PHC3: variants seen among roughly 807,000 people sequenced by gnomAD.
PHC3 encodes the protein polyhomeotic-like protein 3.
PHC3 carries 13 observed loss-of-function variants against 107.4 expected under a neutral mutation model. That is an observed-to-expected ratio of 0.12 (90% CI 0.08 to 0.19). The LOEUF is 0.19. PHC3 is among the 10% of genes least tolerant of loss of function. The pLI is 1.00. For synonymous variants in PHC3, 456 were observed against 427.4 expected, an observed-to-expected ratio of 1.07 and a Z score of -0.83; for missense variants, 992 against 1,210.9, an observed-to-expected ratio of 0.82 and a Z score of 2.68.
At chr3:170,138,306 G>A (rs35968710) in intron 6 of PHC3, among the ~76,000 whole-genome samples, 4,239 of 152,242 alleles carry the variant, frequency 0.028, 207 homozygotes, top group African/African-American at 0.097. Context: ...GAAACCATAT[G>A]GAGTGTCTTC....
chr3:170,116,979 A>T, intron 10 of PHC3: 1 of 482,462 alleles, frequency 2.1e-6, no homozygotes, highest in Non-Finnish European at 3.7e-6. Flanking sequence ...CTTTCTCTAA[A>T]AATTATAAAA....
Position 170,117,480 on chromosome 3 carries a change from A to C in PHC3, c.1943-4T>G. The stretch of plus-strand genomic sequence containing the variant: ...ACAGCAGGTAATTCCACTTGCTCTG[A>C]AAAAAAAACCAAAAAGTCATTTAAA... On this transcript the variant is annotated splice_polypyrimidine_tract_variant and splice_region_variant and intron_variant, in intron 9 of 14. Coordinates refer to ENST00000495893, the MANE Select transcript of PHC3 (RefSeq NM_024947.4). 6.4e-7 allele frequency: 1 copy of C among 1,574,684 alleles called. No individual in the cohort carries two copies. The highest frequency in any genetic ancestry group is 1.2e-5 in the South Asian group (1 of 85,418).
At chr3:170,109,026 TAACA>T (rs1391963382) in intron 11 of PHC3, among the ~76,000 whole-genome samples, 1 of 152,190 alleles carries the variant, frequency 6.6e-6, no homozygotes, top group Non-Finnish European at 1.5e-5. Context: ...CGAGGGACAT[TAACA>T]GATTCAAAAA....
chr3:170,139,043 C>T (rs1166363703), intron 6 of PHC3, among the ~76,000 whole-genome samples: 1 of 152,182 alleles, frequency 6.6e-6, no homozygotes, highest in Non-Finnish European at 1.5e-5. Context: ...TTTCTTCCTT[C>T]TAGAACAACT....
intron 12 of PHC3, among the ~76,000 whole-genome samples, 160 bp downstream of exon 12, chr3:170,106,672 T>C (rs1716581750): frequency 6.6e-6 from 1 of 152,166 alleles, no homozygotes; most frequent in Non-Finnish European, 1.5e-5. Flanking sequence ...AGATACTGCC[T>C]ATTTGTATTA....
chr3:170,095,490 C>A lies in PHC3; in HGVS notation c.*1740G>T, dbSNP rs1251357038. ...AAAATAATCAACATTCTCTAATGTA[C>A]ACAAAGCCAAAAGATAAATATAGTA... On this transcript the variant is annotated 3_prime_UTR_variant, in exon 15 of 15. Coordinates refer to ENST00000495893, the MANE Select transcript of PHC3 (RefSeq NM_024947.4). The A allele has an allele frequency of 6.6e-6, 1 of 152,090 alleles. No homozygotes were observed. Among genetic ancestry groups the A allele is most frequent in the Non-Finnish European group, 1.5e-5 (1 of 68,016 alleles). The allele number at this position is 152,090 out of a possible 1,614,324, so 9.4% of individuals were successfully genotyped here. A position where few individuals can be genotyped will look rare whatever the true frequency, so the allele number is the denominator to read the frequency against.
Position 170,097,357 on chromosome 3 carries a change from C to T in PHC3, c.2861G>A (p.Arg954Lys), listed in dbSNP as rs1413205187. 6.2e-7 allele frequency: 1 copy of T among 1,613,052 alleles called. No homozygotes were observed. The highest frequency in any genetic ancestry group is 8.5e-7 in the Non-Finnish European group (1 of 1,179,404). The change falls in exon 15 of 15, where the codon AGA (arginine) becomes AAA (lysine). Residue 954 changes from arginine to lysine, a missense_variant. Physicochemically the swap from Arg to Lys is conservative, Grantham distance 26. Transcript: ENST00000495893. The surrounding 1 kb of genome is among the most constrained non-coding windows in gnomAD (Gnocchi z 4.1). ...GGCCTGTCCATCAATCTCCTGTGCT[C>T]TGAATTCATCTGCGATATCCTGGCA... is the stretch of plus-strand genomic sequence containing the variant. ...PGCQDIADEFRAQEIDGQALL... is the reference protein window; with the variant it reads ...PGCQDIADEFKAQEIDGQALL...
intron 9 of PHC3, among the ~76,000 whole-genome samples, chr3:170,121,561 G>T (rs769290637): frequency 2.0e-5 from 3 of 152,064 alleles, no homozygotes; most frequent in Non-Finnish European, 4.4e-5. Context: ...ACAGAGTGTT[G>T]CTCTGTTGTA....
In PHC3 at chr3:170,117,435, C is replaced by G; in HGVS notation, c.1984G>C (p.Val662Leu). 6.2e-7 allele frequency: 1 copy of G among 1,613,774 alleles called. No homozygotes were observed. Among genetic ancestry groups the G allele is most frequent in the Non-Finnish European group, 8.5e-7 (1 of 1,179,792 alleles). The change falls in exon 10 of 15, where the codon GTA (valine) becomes CTA (leucine). Residue 662 changes from valine to leucine, a missense_variant. Val to Leu is a conservative substitution (Grantham distance 32, BLOSUM62 1). Transcript: ENST00000495893. ...LPAVASVSAS[V>L]IKSPSDPSHV... ...GAGGGATCTGATGGAGATTTAATTA[C>G]TGAAGCACTGACTGATGCCACAGCA...
intron 8 of PHC3, chr3:170,125,851 C>G (rs776320936): frequency 3.5e-6 from 1 of 283,946 alleles, no homozygotes; most frequent in Non-Finnish European, 5.3e-6. Flanking sequence ...TTGAAAAAAG[C>G]AAAGTGGAGG....
chr3:170,092,511 G>A lies in PHC3; in HGVS notation c.*4719C>T, dbSNP rs181401799. On this transcript the variant is annotated 3_prime_UTR_variant, in exon 15 of 15. Transcript: ENST00000495893. ...ATGATCCACACTGCTGTGAACCAAAGAAGCAGAGGTAGGCTTGTGTTTACT... is the reference window on the plus strand; with the variant it reads ...ATGATCCACACTGCTGTGAACCAAAAAAGCAGAGGTAGGCTTGTGTTTACT... 1 of 152,164 alleles carries A rather than the reference G, an allele frequency of 6.6e-6. No individual in the cohort carries two copies. The highest frequency in any genetic ancestry group is 1.5e-5 in the Non-Finnish European group (1 of 68,030). 9.4% of individuals were successfully genotyped at this position (152,164 alleles called of 1,614,324 possible).
At chr3:170,133,342 C>T (rs957000384) in intron 7 of PHC3, among the ~76,000 whole-genome samples, 2 of 152,004 alleles carry the variant, frequency 1.3e-5, no homozygotes, top group Non-Finnish European at 2.9e-5. Flanking sequence ...CCATGCCTGG[C>T]TAATTTTTGT....
At chr3:170,145,556 A>G (rs768081179) in intron 5 of PHC3, 35 bp from the exon 6 acceptor site, 83 of 1,476,100 alleles carry the variant, frequency 5.6e-5, no homozygotes, top group Non-Finnish European at 7.6e-5. Flanking sequence ...ATACCCTAAG[A>G]CAAAAGAACA....
At chr3:170,123,899 T>C (rs1577062714) in intron 8 of PHC3, among the ~76,000 whole-genome samples, 1 of 151,722 alleles carries the variant, frequency 6.6e-6, no homozygotes, top group African/African-American at 2.4e-5. Flanking sequence ...CAGGCTGGAG[T>C]GCAGTGGTGC....
intron 7 of PHC3, among the ~76,000 whole-genome samples, chr3:170,133,085 GA>G (rs922333933): frequency 6.6e-6 from 1 of 151,900 alleles, no homozygotes; most frequent in African/African-American, 2.4e-5. Context: ...AATACAAGTA[GA>G]TTTTTTTACA....
intron 6 of PHC3, among the ~76,000 whole-genome samples, chr3:170,144,482 C>G (rs1724641095): frequency 6.6e-6 from 1 of 152,090 alleles, no homozygotes; most frequent in African/African-American, 2.4e-5. Flanking sequence ...TTTCACGTCT[C>G]TCAGGGTAAA....
chr3:170,158,845 T>C (rs1727349776), intron 4 of PHC3, among the ~76,000 whole-genome samples: 1 of 150,598 alleles, frequency 6.6e-6, no homozygotes, highest in Non-Finnish European at 1.5e-5. Context: ...GAGGATCACT[T>C]GAGCCTGGGA....
At chr3:170,145,162 T>C (rs1560090856) in intron 6 of PHC3, among the ~76,000 whole-genome samples, 1 of 152,212 alleles carries the variant, frequency 6.6e-6, no homozygotes, top group African/African-American at 2.4e-5. Flanking sequence ...AAACTAAACA[T>C]AGAAAGCCAT....
chr3:170,089,973 G>A lies in PHC3; in HGVS notation c.*7257C>T, dbSNP rs1289682476. On this transcript the variant is annotated 3_prime_UTR_variant, in exon 15 of 15. Transcript: ENST00000495893. ...AGAAAGTTGCTCACTGTCAATACTG[G>A]GTAAAAAGCTCTTATATCAACACCA... The A allele has an allele frequency of 6.6e-6, 1 of 150,592 alleles. No individual in the cohort carries two copies. The highest frequency in any genetic ancestry group is 1.5e-5 in the Non-Finnish European group (1 of 67,728). The allele number at this position is 150,592 out of a possible 1,614,324, so 9.3% of individuals were successfully genotyped here.
Sources: allele counts gnomAD v4.1 joint callset (sites outside exome capture counted in the v4.1 genomes callset), GRCh38; gene constraint gnomAD v4.1.1; non-coding constraint Gnocchi (gnomAD v3.1); transcripts MANE v1.5; gene names NCBI Gene and HGNC (gene_info 2026-07-23, HGNC 2026-07-21).